UBE2C: variants seen among roughly 807,000 people sequenced by gnomAD.
The protein encoded by UBE2C is ubiquitin-conjugating enzyme E2 C.
In UBE2C, 16 loss-of-function variants were observed where a neutral mutation model predicts 23.5. That is an observed-to-expected ratio of 0.68 (90% confidence interval 0.46 to 1.03). UBE2C has a LOEUF of 1.03. Among genes scored for constraint, UBE2C ranks in the 50% least tolerant of loss-of-function variants. The pLI is 0.00. For synonymous variants in UBE2C, 76 were observed against 91.6 expected, an observed-to-expected ratio of 0.83 and a Z score of 0.97; for missense variants, 192 against 227.6, an observed-to-expected ratio of 0.84 and a Z score of 1.01.
chr20:45,816,775 T>C lies in UBE2C; in HGVS notation c.*8T>C. 1 of 1,612,842 alleles carries C rather than the reference T, an allele frequency of 6.2e-7. No individual in the cohort carries two copies. The highest frequency in any genetic ancestry group is 8.5e-7 in the Non-Finnish European group (1 of 1,179,452). ...ACCAGCCAGGAGCCCTGACCCAGGC[T>C]GCCCAGCCTGTCCTTGTGTCGTCTT... is the stretch of plus-strand genomic sequence containing the variant. On this transcript the variant is annotated 3_prime_UTR_variant, in exon 6 of 6. Transcript: ENST00000356455.
chr20:45,815,399 A>G, intron 3 of UBE2C, 142 bp from the exon 4 acceptor site: 1 of 1,597,080 alleles, frequency 6.3e-7, no homozygotes, highest in Non-Finnish European at 8.5e-7. Context: ...GGCAGTGGGG[A>G]GCATCAGAAC....
chr20:45,814,465 G>A lies in UBE2C; in HGVS notation c.211G>A (p.Gly71Arg). Reference sequence around the variant, plus strand: ...GGTAGGGACCATCCATGGAGCAGCTGGAACAGTAAGTGTAGGGCTGGGATG... The same window carrying A: ...GGTAGGGACCATCCATGGAGCAGCTAGAACAGTAAGTGTAGGGCTGGGATG... ...KWVGTIHGAA[G>R]TVYEDLRYKL... Residue 71 changes from glycine (G) to arginine (R), a missense_variant, in exon 3 of 6, where the codon GGA becomes AGA. By Grantham distance (125) the Gly-to-Arg change is moderately radical (BLOSUM62 -2). Transcript: ENST00000356455. 1.2e-6 allele frequency: 2 copies of A among 1,607,916 alleles called. No homozygotes were observed. Among genetic ancestry groups the A allele is most frequent in the South Asian group, 1.1e-5 (1 of 90,632 alleles).
rs933282828 is a variant in UBE2C, at chr20:45,816,829, T to C, written c.*62T>C. 12 of 1,467,714 alleles carry C rather than the reference T, an allele frequency of 8.2e-6. No individual in the cohort carries two copies. Among genetic ancestry groups the C allele is most frequent in the Non-Finnish European group, 1.1e-5 (12 of 1,063,302 alleles). 90.9% of individuals were successfully genotyped at this position (1,467,714 alleles called of 1,614,324 possible). The stretch of plus-strand genomic sequence containing the variant: ...AATTTTTCCTTAGATGGTCTGTCCT[T>C]TTTGTGATTTCTGTATAGGACTCTT... On this transcript the variant is annotated 3_prime_UTR_variant, in exon 6 of 6. Transcript: ENST00000356455.
At chr20:45,815,778 A>G in intron 4 of UBE2C, 33 bp downstream of exon 4, 1 of 1,611,972 alleles carries the variant, frequency 6.2e-7, no homozygotes, top group Non-Finnish European at 8.5e-7. Flanking sequence ...CCCTCCATGC[A>G]ACTTGGGAAC....
rs1187036810 is a variant in UBE2C at position 45,816,761 on chromosome 20, G to GCCCTGAC, written c.537_*3dup. 6.2e-7 allele frequency: 1 copy of GCCCTGAC among 1,613,460 alleles called. No homozygotes were observed. Among genetic ancestry groups the GCCCTGAC allele is most frequent in the African/African-American group, 1.3e-5 (1 of 74,888 alleles). On this transcript the variant is annotated stop_gained and frameshift_variant, in exon 6 of 6. Coordinates refer to ENST00000356455, the MANE Select transcript of UBE2C (RefSeq NM_007019.4). LOFTEE classifies it high-confidence loss of function. ...ACTCAAAGCAGGTCACCAGCCAGGA[G>GCCCTGAC]CCCTGACCCAGGCTGCCCAGCCTGT...
At chr20:45,813,188 A>T in intron 1 of UBE2C, 5 of 1,419,000 alleles carry the variant, frequency 3.5e-6, no homozygotes, top group Non-Finnish European at 3.7e-6. Context: ...TCGGGCAAGG[A>T]AGAGATGCTA....
chr20:45,814,501 T>C (rs1201329446), intron 3 of UBE2C, 31 bp downstream of exon 3: 24 of 1,573,976 alleles, frequency 1.5e-5, no homozygotes, highest in Non-Finnish European at 2.1e-5. Flanking sequence ...GGTGAGTGAG[T>C]CTGGGGAAAG....
chr20:45,814,833 CTT>C (rs1363100171), intron 3 of UBE2C, among the ~76,000 whole-genome samples: 21 of 141,230 alleles, frequency 1.5e-4, no homozygotes, highest in African/African-American at 1.8e-4. Flanking sequence ...AACTAATATT[CTT>C]TTTTTTTTTT....
In UBE2C at chr20:45,813,363, G is replaced by T. The variant is rs911712014; in HGVS notation, c.102-74G>T. ...CCATGACGGCTCCCCCTGAGATTCA[G>T]GTGGGAGAAGATGCACCGTCTGGAG... On this transcript the variant is annotated intron_variant, in intron 1 of 5. Coordinates refer to ENST00000356455, the MANE Select transcript of UBE2C (RefSeq NM_007019.4). The T allele has an allele frequency of 2.5e-6, 4 of 1,613,194 alleles. No individual in the cohort carries two copies. The Admixed American group carries it at 6.7e-5, about 27-fold the overall frequency.
At position 45,813,415 on chromosome 20, in the gene UBE2C, AC is replaced by A. The variant is rs1982119664; in HGVS notation, c.102-18del. The A allele has an allele frequency of 1.9e-6, 3 of 1,613,836 alleles. No homozygotes were observed. The Admixed American group carries it at 5.0e-5, about 27-fold the overall frequency. ...CCTGGCCCATCCAGACTCCCAGGTAACCCCGAATACTCTTTTTTCAGGCTAC... is the reference window on the plus strand; with the variant it reads ...CCTGGCCCATCCAGACTCCCAGGTAACCCGAATACTCTTTTTTCAGGCTAC... On this transcript the variant is annotated intron_variant, in intron 1 of 5. Transcript: ENST00000356455.
rs3080107 is a variant in UBE2C, at chr20:45,814,271, CATAT to C, written c.130-87_130-84del. The stretch of plus-strand genomic sequence containing the variant: ...ATATATGTGTGTGTGTGTATGTGAG[CATAT>C]ATATATATATATATATATATATATA... On this transcript the variant is annotated intron_variant, in intron 2 of 5. Coordinates refer to ENST00000356455, the MANE Select transcript of UBE2C (RefSeq NM_007019.4). 1,524 of 391,100 alleles carry C rather than the reference CATAT, an allele frequency of 3.9e-3. 32 individuals are homozygous for C. In the East Asian group the frequency reaches 0.042, roughly 11 times the overall value. The allele number at this position is 391,100 out of a possible 1,614,324, so 24.2% of individuals were successfully genotyped here.
In UBE2C at chr20:45,812,651, C is replaced by G. The variant is rs1398903825; in HGVS notation, c.-45C>G. 2 of 1,546,000 alleles carry G rather than the reference C, an allele frequency of 1.3e-6. No homozygotes were observed. Among genetic ancestry groups the G allele is most frequent in the Non-Finnish European group, 8.7e-7 (1 of 1,142,876 alleles). ...GGGCGGGCCCGCAGTCCTGCAGTTGCAGTCGTGTTCTCCGAGTTCCTGTCT... is the reference window on the plus strand; with the variant it reads ...GGGCGGGCCCGCAGTCCTGCAGTTGGAGTCGTGTTCTCCGAGTTCCTGTCT... On this transcript the variant is annotated 5_prime_UTR_variant, in exon 1 of 6. Transcript: ENST00000356455.
At chr20:45,814,087 A>AGTGT (rs370170183) in intron 2 of UBE2C, among the ~76,000 whole-genome samples, 2 of 149,130 alleles carry the variant, frequency 1.3e-5, no homozygotes, top group African/African-American at 5.0e-5. Flanking sequence ...TGGGCGACAG[A>AGTGT]GTGTGTGTGT....
Position 45,812,797 on chromosome 20 carries a change from G to T in UBE2C, c.101+1G>T. ...CCGCCCGGGGTCCGGTGGGCAAAAG[G>T]TGAGTGATGCGGCCTACCACTCGCC... On this transcript the variant is annotated splice_donor_variant, in intron 1 of 5. Transcript: ENST00000356455. LOFTEE classifies it high-confidence loss of function. 2 of 1,555,116 alleles carry T rather than the reference G, an allele frequency of 1.3e-6. No individual in the cohort carries two copies. Among genetic ancestry groups the T allele is most frequent in the Non-Finnish European group, 1.7e-6 (2 of 1,149,488 alleles).
At chr20:45,813,164 A>G in intron 1 of UBE2C, 2 of 1,406,780 alleles carry the variant, frequency 1.4e-6, no homozygotes. Context: ...AGACAGGGGA[A>G]GGGAGAAGTT....
intron 5 of UBE2C, 25 bp from the exon 6 acceptor site, chr20:45,816,684 C>A: frequency 6.2e-7 from 1 of 1,609,104 alleles, no homozygotes; most frequent in Non-Finnish European, 8.5e-7. Flanking sequence ...CCATCACTCA[C>A]TGAGACCTGC....
intron 1 of UBE2C, 84 bp downstream of exon 1, chr20:45,812,880 C>A: frequency 6.8e-7 from 1 of 1,464,736 alleles, no homozygotes; most frequent in South Asian, 1.4e-5. Context: ...GACCACCCCC[C>A]GCCGCCACCT....
At chr20:45,814,831 T>C (rs969284027) in intron 3 of UBE2C, among the ~76,000 whole-genome samples, 2 of 148,256 alleles carry the variant, frequency 1.3e-5, no homozygotes, top group Non-Finnish European at 3.0e-5. Context: ...GCAACTAATA[T>C]TCTTTTTTTT....
intron 2 of UBE2C, 114 bp from the exon 3 acceptor site, chr20:45,814,270 G>GTA (rs1568714711): frequency 2.7e-6 from 1 of 368,800 alleles, no homozygotes; most frequent in African/African-American, 5.1e-5. Flanking sequence ...GTGTATGTGA[G>GTA]CATATATATA....
Sources: gnomAD v4.1 joint callset for allele counts (sites outside exome capture counted in the v4.1 genomes callset) on GRCh38, gnomAD v4.1.1 for gene constraint, MANE v1.5 for transcripts, NCBI Gene and HGNC (gene_info 2026-07-23, HGNC 2026-07-21) for gene names.